Variants in TACR1 observed in about 807,000 individuals in gnomAD.
The protein encoded by TACR1 is tachykinin receptor 1.
A neutral mutation model predicts 35.8 loss-of-function variants in TACR1; 25 were observed. The ratio of observed to expected loss-of-function variants is 0.70; its 90% CI spans 0.51 to 0.98. The LOEUF is 0.98. Ranked by LOEUF, TACR1 falls within the 50% of genes least tolerant of loss-of-function variation. TACR1 has a pLI of 0.00. For missense variants in TACR1, 478 were observed against 522.9 expected (o/e 0.91, Z 0.84); for synonymous variants, 195 against 206.7 (o/e 0.94, Z 0.48).
chr2:75,141,472 G>A (rs1363601349), intron 1 of TACR1, among the ~76,000 whole-genome samples: 1 of 151,868 alleles, frequency 6.6e-6, no homozygotes, highest in Non-Finnish European at 1.5e-5. Context: ...AAGCTTAGGA[G>A]CATAGGAATT....
intron 1 of TACR1, 67 bp from the exon 2 acceptor site, chr2:75,120,835 T>A (rs1673955658): frequency 1.5e-6 from 2 of 1,299,710 alleles, no homozygotes; most frequent in Non-Finnish European, 2.1e-6. Context: ...GATTCCATAT[T>A]TTTCCTGCCA....
chr2:75,165,027 A>G (rs562998506), intron 1 of TACR1, among the ~76,000 whole-genome samples: 1 of 152,238 alleles, frequency 6.6e-6, no homozygotes, highest in South Asian at 2.1e-4. Context: ...GATGCATGGG[A>G]CCCAGCATGA....
chr2:75,067,303 G>A (rs1164738408), intron 2 of TACR1, among the ~76,000 whole-genome samples: 2 of 152,148 alleles, frequency 1.3e-5, no homozygotes, highest in Non-Finnish European at 2.9e-5. Context: ...TATATTGTTA[G>A]CAAAGTCACC....
intron 2 of TACR1, among the ~76,000 whole-genome samples, chr2:75,057,285 C>T (rs1672587596): frequency 1.3e-5 from 2 of 152,120 alleles, no homozygotes; most frequent in Admixed American, 1.3e-4. Context: ...ACCTTGTGTC[C>T]CCCGCCCCTG....
intron 2 of TACR1, among the ~76,000 whole-genome samples, chr2:75,097,221 A>G (rs1051767422): frequency 6.6e-6 from 1 of 152,220 alleles, no homozygotes; most frequent in Non-Finnish European, 1.5e-5. Context: ...ATGTGGTCAA[A>G]TAAAGATAGC....
At chr2:75,163,666 T>C (rs1426375988) in intron 1 of TACR1, among the ~76,000 whole-genome samples, 1 of 152,224 alleles carries the variant, frequency 6.6e-6, no homozygotes, top group Non-Finnish European at 1.5e-5. Flanking sequence ...AAAAATATGA[T>C]ATTCAACGTT....
chr2:75,068,587 T>A (rs142648831), intron 2 of TACR1, among the ~76,000 whole-genome samples: 1 of 152,276 alleles, frequency 6.6e-6, no homozygotes, highest in East Asian at 1.9e-4. Flanking sequence ...CAGTGTTTCC[T>A]ATATGCCAGG....
At chr2:75,188,016 T>A (rs533354736) in intron 1 of TACR1, 33 of 152,202 alleles carry the variant, frequency 2.2e-4, no homozygotes, top group Non-Finnish European at 4.4e-4. Context: ...ATTTGTTAAA[T>A]CATGAAAATT....
chr2:75,121,100 ATGT>A (rs1673963086), intron 1 of TACR1, among the ~76,000 whole-genome samples: 1 of 152,200 alleles, frequency 6.6e-6, no homozygotes, highest in Non-Finnish European at 1.5e-5. Context: ...AATAAGAACA[ATGT>A]TGTAAATTTA....
At chr2:75,186,069 C>G (rs1295732937) in intron 1 of TACR1, among the ~76,000 whole-genome samples, 2 of 151,998 alleles carry the variant, frequency 1.3e-5, no homozygotes, top group Non-Finnish European at 2.9e-5. Flanking sequence ...TATGAAGATT[C>G]TATGCATAGA....
At chr2:75,152,590 C>G (rs984995558) in intron 1 of TACR1, among the ~76,000 whole-genome samples, 3 of 152,188 alleles carry the variant, frequency 2.0e-5, no homozygotes, top group Non-Finnish European at 4.4e-5. Context: ...TGAAAATGGA[C>G]TAATACATGC....
chr2:75,098,643 C>T (rs1162707105), intron 2 of TACR1, among the ~76,000 whole-genome samples: 1 of 152,124 alleles, frequency 6.6e-6, no homozygotes, highest in Non-Finnish European at 1.5e-5. Flanking sequence ...CTGAAACCCA[C>T]ATCCCTACCA....
At chr2:75,057,028 TG>T (rs1438653346) in intron 2 of TACR1, among the ~76,000 whole-genome samples, 1 of 152,204 alleles carries the variant, frequency 6.6e-6, no homozygotes, top group Non-Finnish European at 1.5e-5. Context: ...CACCAATAGA[TG>T]AATGGACAAA....
intron 2 of TACR1, among the ~76,000 whole-genome samples, chr2:75,104,418 T>C (rs1673600695): frequency 3.3e-5 from 5 of 152,006 alleles, no homozygotes. Context: ...AAGGGAGAGA[T>C]AGACAGCAAC....
chr2:75,158,181 G>A (rs780396817), intron 1 of TACR1, among the ~76,000 whole-genome samples: 5 of 152,130 alleles, frequency 3.3e-5, no homozygotes, highest in Non-Finnish European at 7.3e-5. Context: ...GATTCACTTC[G>A]GGTAAATGTC....
chr2:75,105,988 A>G (rs1286802375), intron 2 of TACR1, among the ~76,000 whole-genome samples: 1 of 152,022 alleles, frequency 6.6e-6, no homozygotes, highest in Non-Finnish European at 1.5e-5. Context: ...CTAAAGAAAA[A>G]CTGGGAAAAA....
At chr2:75,112,580 A>G (rs1267859397) in intron 2 of TACR1, among the ~76,000 whole-genome samples, 2 of 152,122 alleles carry the variant, frequency 1.3e-5, no homozygotes, top group East Asian at 3.8e-4. Context: ...TTTTGCTTAC[A>G]TAAGTTCTGG....
rs148987957 is a variant in TACR1 at position 75,072,427 on chromosome 2, T to C, written c.585-18672A>G. Among the ~76,000 whole-genome samples, 31 of 152,178 alleles carry C rather than the reference T, an allele frequency of 2.0e-4. No homozygotes were observed. In the East Asian group the frequency reaches 6.0e-3, roughly 29 times the overall value. On this transcript the variant is annotated intron_variant, in intron 2 of 4. Coordinates refer to ENST00000305249, the MANE Select transcript of TACR1 (RefSeq NM_001058.4). The stretch of plus-strand genomic sequence containing the variant: ...TGCTGGCATTCCTTGGAGACCCAGA[T>C]GTGAGAGGGAAGAAAATATAAGGAA...
intron 2 of TACR1, among the ~76,000 whole-genome samples, chr2:75,055,744 A>G (rs1419184699): frequency 6.6e-6 from 1 of 152,200 alleles, no homozygotes; most frequent in Non-Finnish European, 1.5e-5. Context: ...ACCCTGGACC[A>G]GTGGCCCTCA....
Sources: gnomAD v4.1 joint callset for allele counts (sites outside exome capture counted in the v4.1 genomes callset) on GRCh38, gnomAD v4.1.1 for gene constraint, MANE v1.5 for transcripts, NCBI Gene and HGNC (gene_info 2026-07-23, HGNC 2026-07-21) for gene names.